The following CAPN8 variants were observed in gnomAD, a reference collection of about 807,000 sequenced individuals.
CAPN8 encodes the protein calpain 8.
A neutral mutation model predicts 80.9 loss-of-function variants in CAPN8; 87 were observed. That is an observed-to-expected ratio of 1.07 (90% CI 0.90 to 1.28). CAPN8 has a LOEUF of 1.28. Ranked by LOEUF, CAPN8 falls within the 50% of genes most tolerant of loss-of-function variation. The pLI is 0.00. For missense variants in CAPN8, 757 were observed against 702.0 expected, an observed-to-expected ratio of 1.08 and a Z score of -0.89; for synonymous variants, 299 against 273.8, an observed-to-expected ratio of 1.09 and a Z score of -0.91.
At chr1:223,661,602 C>A in intron 1 of CAPN8, among the ~76,000 whole-genome samples, 1 of 152,004 alleles carries the variant, frequency 6.6e-6, no homozygotes, top group Non-Finnish European at 1.5e-5. Flanking sequence ...TGTACTCCGG[C>A]CTGGGTGACA....
chr1:223,543,116 G>C lies in CAPN8; in HGVS notation c.2080C>G (p.Leu694Val), dbSNP rs1656513421. Reference sequence around the variant, plus strand: ...AACCTCAGGACATTCACCTCGGCCAGAGAGAGCTGAACCATGCCATCCTTG... The same window carrying C: ...AACCTCAGGACATTCACCTCGGCCACAGAGAGCTGAACCATGCCATCCTTG... The part of the protein sequence containing the change: ...EDKDGMVQLS[L>V]AEWLCCVLV The change falls in exon 20 of 21, where the codon CTG (leucine) becomes GTG (valine). Residue 694 changes from leucine to valine, a missense_variant. By Grantham distance (32) the Leu-to-Val change is conservative. Transcript: ENST00000366872. The C allele has an allele frequency of 6.4e-7, 1 of 1,551,678 alleles. No individual in the cohort carries two copies. The highest frequency in any genetic ancestry group is 1.4e-5 in the African/African-American group (1 of 73,152).
At chr1:223,655,940 C>A (rs1351736119) in intron 1 of CAPN8, among the ~76,000 whole-genome samples, 2 of 152,124 alleles carry the variant, frequency 1.3e-5, no homozygotes, top group African/African-American at 4.8e-5. Flanking sequence ...AGAATCATTT[C>A]ATTCTTACTT....
At chr1:223,609,008 A>C (rs1656967441) in intron 12 of CAPN8, 145 bp downstream of exon 12, 2 of 383,196 alleles carry the variant, frequency 5.2e-6, no homozygotes, top group Non-Finnish European at 9.1e-6. Context: ...CACCCAGTGA[A>C]GGGTCCTTTG....
At chr1:223,620,408 A>T (rs1184048010) in intron 7 of CAPN8, 142 bp from the exon 8 acceptor site, 2 of 708,332 alleles carry the variant, frequency 2.8e-6, no homozygotes, top group Non-Finnish European at 4.8e-6. Flanking sequence ...CAGAATGGAC[A>T]GTGTGGCGCG....
intron 2 of CAPN8, among the ~76,000 whole-genome samples, chr1:223,651,677 G>C (rs992896527): frequency 6.6e-6 from 1 of 152,218 alleles, no homozygotes; most frequent in Non-Finnish European, 1.5e-5. Context: ...TTTTATAAGA[G>C]TGCAAGAGAA....
chr1:223,665,063 G>C (rs534632821), intron 1 of CAPN8, among the ~76,000 whole-genome samples: 1 of 152,232 alleles, frequency 6.6e-6, no homozygotes, highest in Non-Finnish European at 1.5e-5. Context: ...AGACCAGCCT[G>C]ACCAACATGG....
chr1:223,624,894 A>G (rs1462456268), intron 6 of CAPN8, among the ~76,000 whole-genome samples: 1 of 151,998 alleles, frequency 6.6e-6, no homozygotes, highest in African/African-American at 2.4e-5. Context: ...GGAAATCGAG[A>G]CCATCCTGGC....
chr1:223,621,256 T>A (rs1306178049), intron 7 of CAPN8, among the ~76,000 whole-genome samples: 10 of 151,866 alleles, frequency 6.6e-5, no homozygotes, highest in African/African-American at 2.4e-4. Flanking sequence ...TTTTTTTTTT[T>A]TTTTAAGTAA....
At chr1:223,654,309 A>T in intron 2 of CAPN8, 21 bp downstream of exon 2, 1 of 1,550,852 alleles carries the variant, frequency 6.4e-7, no homozygotes, top group East Asian at 2.4e-5. Flanking sequence ...AAAACAAATA[A>T]GACTCTCCCC....
At chr1:223,611,030 G>C (rs942919146) in intron 11 of CAPN8, among the ~76,000 whole-genome samples, 1 of 144,166 alleles carries the variant, frequency 6.9e-6, no homozygotes, top group African/African-American at 2.6e-5. Flanking sequence ...AAGGCCCCCC[G>C]GCACTCGTAG....
At chr1:223,543,283 AC>A in intron 19 of CAPN8, 117 bp from the exon 20 acceptor site, 2 of 1,106,770 alleles carry the variant, frequency 1.8e-6, no homozygotes, top group Non-Finnish European at 2.5e-6. Context: ...TTCCCCTACC[AC>A]CCCCTCCCCT....
At chr1:223,633,341 G>C (rs955872497) in intron 2 of CAPN8, among the ~76,000 whole-genome samples, 2 of 151,752 alleles carry the variant, frequency 1.3e-5, no homozygotes, top group African/African-American at 2.4e-5. Context: ...GGAAGACCTG[G>C]ATGGTAATGC....
intron 4 of CAPN8, among the ~76,000 whole-genome samples, chr1:223,627,532 A>G (rs765751730): frequency 3.9e-5 from 6 of 152,246 alleles, no homozygotes; most frequent in Non-Finnish European, 8.8e-5. Context: ...CTGGAAAGGA[A>G]CTGGGGTTGC....
chr1:223,646,046 C>T (rs918990341), intron 2 of CAPN8, among the ~76,000 whole-genome samples: 1 of 152,174 alleles, frequency 6.6e-6, no homozygotes, highest in African/African-American at 2.4e-5. Flanking sequence ...GCACTCTGTA[C>T]AGGGAAGATC....
chr1:223,638,533 C>T (rs1027676277), intron 2 of CAPN8, among the ~76,000 whole-genome samples: 3 of 152,134 alleles, frequency 2.0e-5, no homozygotes, highest in Admixed American at 6.5e-5. Context: ...TCTCTCTCCC[C>T]GCCTGAGTAT....
rs571036568 is a variant in CAPN8 at position 223,616,048 on chromosome 1, C to G, written c.1233G>C (p.Leu411=). 1.3e-6 allele frequency: 2 copies of G among 1,552,316 alleles called. No individual in the cohort carries two copies. Among genetic ancestry groups the G allele is most frequent in the Non-Finnish European group, 1.7e-6 (2 of 1,147,124 alleles). The change falls in exon 10 of 21, where the codon CTG becomes CTC. Residue 411 remains leucine, a synonymous_variant. Transcript: ENST00000366872. ...SIGEPCCTVL[L]GLMQKNRRWR... ...ACCTGCGATTTTTCTGCATCAGGCC[C>G]AGCAGCACTGTACAGCAGGGTTCAC...
intron 2 of CAPN8, among the ~76,000 whole-genome samples, chr1:223,646,340 A>G (rs1339112305): frequency 6.6e-6 from 1 of 152,222 alleles, no homozygotes; most frequent in African/African-American, 2.4e-5. Context: ...TATTCCTTGG[A>G]TGGCGGGAGC....
At chr1:223,631,758 C>A (rs967454727) in intron 2 of CAPN8, among the ~76,000 whole-genome samples, 3 of 152,222 alleles carry the variant, frequency 2.0e-5, no homozygotes, top group Admixed American at 2.0e-4. Context: ...ACAGATTTCA[C>A]TTTCACCAGC....
At chr1:223,557,989 G>C in intron 13 of CAPN8, 142 bp downstream of exon 13, 1 of 392,202 alleles carries the variant, frequency 2.5e-6, no homozygotes, top group Non-Finnish European at 4.5e-6. Flanking sequence ...ATCAGGAAGA[G>C]ACAGGGACTA....
Sources: allele counts gnomAD v4.1 joint callset (sites outside exome capture counted in the v4.1 genomes callset), GRCh38; gene constraint gnomAD v4.1.1; transcripts MANE v1.5; gene names NCBI Gene and HGNC (gene_info 2026-07-23, HGNC 2026-07-21).